Variants in MPHOSPH10 observed in about 807,000 individuals in gnomAD.
MPHOSPH10 encodes the protein U3 small nucleolar ribonucleoprotein MPP10.
Under a neutral mutation model 77.3 loss-of-function variants are expected in MPHOSPH10, and 33 were observed. The observed-to-expected ratio is 0.43, with a 90% confidence interval of 0.32 to 0.57. The LOEUF (loss-of-function observed/expected upper bound fraction) is 0.57, where lower values mean the gene tolerates loss of function less well. MPHOSPH10 is among the 20% of genes least tolerant of loss of function. The pLI is 0.07. For synonymous variants in MPHOSPH10, 245 were observed against 268.0 expected (o/e 0.91, Z 0.84); for missense variants, 708 against 780.1 (o/e 0.91, Z 1.10).
chr2:71,149,594 C>T, intron 10 of MPHOSPH10, 141 bp downstream of exon 10: 1 of 841,694 alleles, frequency 1.2e-6, no homozygotes, highest in Non-Finnish European at 1.8e-6. Context: ...GCTGGAATCG[C>T]AACCTTTAAT....
At chr2:71,142,788 G>C (rs539870360) in intron 7 of MPHOSPH10, among the ~76,000 whole-genome samples, 1 of 152,336 alleles carries the variant, frequency 6.6e-6, no homozygotes, top group Non-Finnish European at 1.5e-5. Flanking sequence ...GGGTGCTGAT[G>C]ATGGACATTG....
chr2:71,133,727 C>A (rs1673432932), intron 2 of MPHOSPH10, 151 bp downstream of exon 2: 4 of 997,374 alleles, frequency 4.0e-6, no homozygotes, highest in Non-Finnish European at 5.6e-6. Context: ...TACTTCCATT[C>A]AATTTATGTT....
At chr2:71,136,061 G>T (rs1673483546) in intron 4 of MPHOSPH10, among the ~76,000 whole-genome samples, 2 of 152,092 alleles carry the variant, frequency 1.3e-5, no homozygotes, top group Admixed American at 1.3e-4. Flanking sequence ...CAAATAGCCA[G>T]AATTTTAATT....
chr2:71,139,643 C>G, intron 5 of MPHOSPH10, 152 bp from the exon 6 acceptor site: 1 of 584,024 alleles, frequency 1.7e-6, no homozygotes, highest in Non-Finnish European at 3.0e-6. Flanking sequence ...TCCCTCTTCC[C>G]CACTTTCTGA....
chr2:71,148,785 G>A (rs533429079), intron 9 of MPHOSPH10: 47 of 187,354 alleles, frequency 2.5e-4, no homozygotes, highest in Non-Finnish European at 5.0e-4. Context: ...ATCCTCACTA[G>A]AGAGATGTTT....
At position 71,149,951 on chromosome 2, in the gene MPHOSPH10, CAAAGAAAACAG is replaced by C. The variant is rs1249602800; in HGVS notation, c.1986_1996del (p.Lys663GlufsTer12). 6.5e-7 allele frequency: 1 copy of C among 1,527,496 alleles called. No homozygotes were observed. Among genetic ancestry groups the C allele is most frequent in the Non-Finnish European group, 8.9e-7 (1 of 1,126,882 alleles). 94.6% of individuals were successfully genotyped at this position (1,527,496 alleles called of 1,614,324 possible). On this transcript the variant is annotated frameshift_variant, in exon 11 of 11. Coordinates refer to ENST00000244230, the MANE Select transcript of MPHOSPH10 (RefSeq NM_005791.3). LOFTEE classifies it high-confidence loss of function. Reference sequence around the variant, plus strand: ...CAAGTAAAAATGCAAATCAATGATGCAAAGAAAACAGAAAAGAAAAAGAAGAAAAGACAGGA... The same window carrying C: ...CAAGTAAAAATGCAAATCAATGATGCAAAAGAAAAAGAAGAAAAGACAGGA...
At position 71,141,986 on chromosome 2, in the gene MPHOSPH10, C is replaced by T. The variant is rs139310861; in HGVS notation, c.1446+617C>T. Reference sequence around the variant, plus strand: ...AGTGGAGGTTGCAGTGAGCCCAGATCGCGCCACTGCTCTCCAGCCTGGGCG... The same window carrying T: ...AGTGGAGGTTGCAGTGAGCCCAGATTGCGCCACTGCTCTCCAGCCTGGGCG... On this transcript the variant is annotated intron_variant, in intron 7 of 10. Transcript: ENST00000244230. Among the ~76,000 whole-genome samples, 1,066 of 152,090 alleles carry T rather than the reference C, an allele frequency of 7.0e-3. 8 individuals are homozygous for T. Among genetic ancestry groups the T allele is most frequent in the East Asian group, 0.036 (187 of 5,168 alleles).
intron 7 of MPHOSPH10, 52 bp downstream of exon 7, chr2:71,141,421 G>C (rs761806113): frequency 1.2e-5 from 17 of 1,370,620 alleles, no homozygotes; most frequent in Non-Finnish European, 1.5e-5. Flanking sequence ...TAGAAGTAGA[G>C]AACTAGGCTT....
At position 71,149,335 on chromosome 2, in the gene MPHOSPH10, A is replaced by G; in HGVS notation, c.1778A>G (p.Glu593Gly). The change falls in exon 10 of 11, where the codon GAG (glutamate) becomes GGG (glycine). Residue 593 changes from glutamate to glycine, a missense_variant. Transcript: ENST00000244230. ...YQKRMKIKEK[E>G]KRRKLLEKSS... ...AAGCGTATGAAAATAAAAGAGAAGGAGAAGCGGAGAAAACTGCTTGAAAAG... is the reference window on the plus strand; with the variant it reads ...AAGCGTATGAAAATAAAAGAGAAGGGGAAGCGGAGAAAACTGCTTGAAAAG... 1 of 1,613,972 alleles carries G rather than the reference A, an allele frequency of 6.2e-7. No homozygotes were observed. Among genetic ancestry groups the G allele is most frequent in the Non-Finnish European group, 8.5e-7 (1 of 1,179,886 alleles).
At chr2:71,141,202 G>T in intron 6 of MPHOSPH10, 30 bp from the exon 7 acceptor site, 5 of 1,329,496 alleles carry the variant, frequency 3.8e-6, no homozygotes, top group Non-Finnish European at 4.9e-6. Flanking sequence ...TGTAGGTTTT[G>T]TTATGTTCTA....
intron 9 of MPHOSPH10, 154 bp from the exon 10 acceptor site, chr2:71,149,069 C>T: frequency 1.5e-6 from 1 of 663,166 alleles, no homozygotes; most frequent in Non-Finnish European, 2.6e-6. Flanking sequence ...GTTACCAACG[C>T]TCATTGGAAT....
rs1222818018 is a variant in MPHOSPH10, at chr2:71,149,210, AT to A, written c.1666-6del. The A allele has an allele frequency of 6.5e-7, 1 of 1,534,538 alleles. No homozygotes were observed. The highest frequency in any genetic ancestry group is 8.8e-7 in the Non-Finnish European group (1 of 1,142,428). On this transcript the variant is annotated splice_polypyrimidine_tract_variant and intron_variant, in intron 9 of 10. Transcript: ENST00000244230. ...TTGATGAATGAATATGTTGGTGGTT[AT>A]TTTTTTAATAGGAGAAAAATAAAGC...
rs1673669355 is a variant in MPHOSPH10, at chr2:71,144,374, C to T, written c.1447-54C>T. 3 of 1,291,488 alleles carry T rather than the reference C, an allele frequency of 2.3e-6. No homozygotes were observed. In the East Asian group the frequency reaches 6.9e-5, roughly 30 times the overall value. The allele number at this position is 1,291,488 out of a possible 1,614,324, so 80.0% of individuals were successfully genotyped here. A position where few individuals can be genotyped will look rare whatever the true frequency, so the allele number is the denominator to read the frequency against. On this transcript the variant is annotated intron_variant, in intron 7 of 10. Coordinates refer to ENST00000244230, the MANE Select transcript of MPHOSPH10 (RefSeq NM_005791.3). ...CTCTCATTGACCTTTAGTGTTTTGT[C>T]CTGTGATATATATCAAGTCGCTTAG...
chr2:71,140,490 C>A (rs1673591665), intron 6 of MPHOSPH10, among the ~76,000 whole-genome samples: 1 of 152,312 alleles, frequency 6.6e-6, no homozygotes. Flanking sequence ...GGGCAAAACC[C>A]TGGTGATCCA....
intron 9 of MPHOSPH10, 191 bp downstream of exon 9, chr2:71,148,297 A>T: frequency 1.9e-6 from 1 of 531,374 alleles, no homozygotes; most frequent in Non-Finnish European, 3.4e-6. Context: ...TGGCTTTATT[A>T]TGAGGTACAG....
chr2:71,144,517 C>T lies in MPHOSPH10; in HGVS notation c.1536C>T (p.Asn512=), dbSNP rs150121309. ...SLFLKLDALS[N]FHFIPKPPVP... ...TCTTAAAATTGGATGCCCTCTCAAA[C>T]TTCCACTTTATCCCTAAACCGGTAA... The change falls in exon 8 of 11, where the codon AAC becomes AAT. Residue 512 remains asparagine, a synonymous_variant. Coordinates refer to ENST00000244230, the MANE Select transcript of MPHOSPH10 (RefSeq NM_005791.3). 51 of 1,613,416 alleles carry T rather than the reference C, an allele frequency of 3.2e-5. No individual in the cohort carries two copies. The African/African-American group carries it at 6.4e-4, about 20-fold the overall frequency.
chr2:71,132,188 A>G (rs576245876), intron 1 of MPHOSPH10, among the ~76,000 whole-genome samples: 2 of 152,318 alleles, frequency 1.3e-5, no homozygotes, highest in South Asian at 4.1e-4. Context: ...GGAATGCTGC[A>G]TCAACCTTCT....
chr2:71,149,507 T>C, intron 10 of MPHOSPH10, 54 bp downstream of exon 10: 1 of 1,499,294 alleles, frequency 6.7e-7, no homozygotes, highest in Non-Finnish European at 9.2e-7. Context: ...GGGAAGTGGA[T>C]AGCAAGTGCT....
rs757922970 is a variant in MPHOSPH10, at chr2:71,134,715, C to T, written c.1016C>T (p.Ala339Val). The T allele has an allele frequency of 1.2e-5, 19 of 1,610,928 alleles. No individual in the cohort carries two copies. Among genetic ancestry groups the T allele is most frequent in the South Asian group, 4.4e-5 (4 of 90,716 alleles). ...GTGACCTTTGCTTTACCAGATGATG[C>T]GGAAACTGAAGATACAGGTGTTTTA... ...KRVTFALPDD[A>V]ETEDTGVLNV... Residue 339 changes from alanine (A) to valine (V), a missense_variant, in exon 4 of 11, where the codon GCG becomes GTG. Physicochemically the swap from Ala to Val is moderately conservative, Grantham distance 64 (BLOSUM62 0). This residue lies in a region of MPHOSPH10 where 433 missense variants were observed against 432.6 expected (regional missense o/e 1.00). Coordinates refer to ENST00000244230, the MANE Select transcript of MPHOSPH10 (RefSeq NM_005791.3).
Sources: gnomAD v4.1 joint callset for allele counts (sites outside exome capture counted in the v4.1 genomes callset) on GRCh38, gnomAD v4.1.1 for gene constraint, gnomAD v4.1.1 regional missense constraint, MANE v1.5 for transcripts, NCBI Gene and HGNC (gene_info 2026-07-23, HGNC 2026-07-21) for gene names.